SYT1: variants seen among roughly 807,000 people sequenced by gnomAD.
The protein encoded by SYT1 is synaptotagmin 1, also known as synaptotagmin-1.
SYT1 carries 8 observed loss-of-function variants against 44.8 expected under a neutral mutation model. The observed-to-expected ratio is 0.18, with a 90% confidence interval of 0.10 to 0.32. The LOEUF (loss-of-function observed/expected upper bound fraction) is 0.32. Among genes scored for constraint, SYT1 ranks in the 10% least tolerant of loss-of-function variants. SYT1 has a pLI of 1.00. For missense variants in SYT1, 286 were observed against 509.3 expected (o/e 0.56, Z 4.22); for synonymous variants, 154 against 188.8 (o/e 0.82, Z 1.51).
At chr12:79,365,855 G>T (rs1043972051) in intron 9 of SYT1, among the ~76,000 whole-genome samples, 15 of 83,030 alleles carry the variant, frequency 1.8e-4, no homozygotes, top group African/African-American at 1.2e-3. Flanking sequence ...AAAAAAGCAG[G>T]TCATTAGCTT....
chr12:79,123,844 CA>C (rs938228164), intron 3 of SYT1, among the ~76,000 whole-genome samples: 4 of 150,542 alleles, frequency 2.7e-5, no homozygotes, highest in African/African-American at 4.9e-5. Flanking sequence ...AGTAAATCAG[CA>C]AAAAAGAAAA....
At chr12:79,000,738 G>A (rs1291564777) in intron 2 of SYT1, among the ~76,000 whole-genome samples, 3 of 152,004 alleles carry the variant, frequency 2.0e-5, no homozygotes, top group Non-Finnish European at 4.4e-5. Flanking sequence ...CATTATTCTG[G>A]GGCCAAAGGG....
At chr12:78,877,453 A>G (rs543848917) in intron 1 of SYT1, among the ~76,000 whole-genome samples, 1 of 151,702 alleles carries the variant, frequency 6.6e-6, no homozygotes, top group African/African-American at 2.4e-5. Flanking sequence ...CAGCTAAACC[A>G]TATCAATGAG....
At chr12:78,919,489 G>A (rs1465188779) in intron 1 of SYT1, among the ~76,000 whole-genome samples, 1 of 152,072 alleles carries the variant, frequency 6.6e-6, no homozygotes, top group Non-Finnish European at 1.5e-5. Context: ...GTCCTGCCAT[G>A]AATAATCGTT....
intron 3 of SYT1, among the ~76,000 whole-genome samples, chr12:79,145,081 T>C (rs1381881615): frequency 6.6e-6 from 1 of 152,222 alleles, no homozygotes; most frequent in Non-Finnish European, 1.5e-5. Flanking sequence ...AATATTGGAA[T>C]ATTAATGAGG....
At chr12:79,262,230 G>T (rs184850768) in intron 4 of SYT1, among the ~76,000 whole-genome samples, 41 of 151,898 alleles carry the variant, frequency 2.7e-4, no homozygotes, top group African/African-American at 9.9e-4. Context: ...AACCTATTTT[G>T]TTTTATAGCA....
chr12:79,229,107 C>T (rs182487670), intron 4 of SYT1, among the ~76,000 whole-genome samples: 2 of 152,210 alleles, frequency 1.3e-5, no homozygotes, highest in Non-Finnish European at 2.9e-5. Flanking sequence ...AAGTGTCTGA[C>T]ACCAAAGGCA....
intron 1 of SYT1, among the ~76,000 whole-genome samples, chr12:78,939,503 C>T (rs1282638331): frequency 6.6e-6 from 1 of 152,166 alleles, no homozygotes; most frequent in Admixed American, 6.6e-5. Flanking sequence ...TCAGAGCTCT[C>T]AGCAGTTTCA....
At chr12:79,044,361 C>G (rs2137747130) in intron 2 of SYT1, among the ~76,000 whole-genome samples, 1 of 152,184 alleles carries the variant, frequency 6.6e-6, no homozygotes, top group East Asian at 1.9e-4. Flanking sequence ...TCCCTTCTCG[C>G]TTCATTTCAT....
intron 4 of SYT1, among the ~76,000 whole-genome samples, chr12:79,269,986 A>G (rs1878336326): frequency 6.6e-6 from 1 of 152,208 alleles, no homozygotes; most frequent in Non-Finnish European, 1.5e-5. Flanking sequence ...TTCTGTCTCC[A>G]GAGGTGGCTA....
Position 78,905,067 on chromosome 12 carries a change from T to C in SYT1, c.-217+39958T>C, listed in dbSNP as rs148272344. Among the ~76,000 whole-genome samples, 335 of 152,312 alleles carry C rather than the reference T, an allele frequency of 2.2e-3. 2 individuals carry two copies. Among genetic ancestry groups the C allele is most frequent in the African/African-American group, 7.9e-3 (327 of 41,600 alleles). On this transcript the variant is annotated intron_variant, in intron 1 of 10. Coordinates refer to ENST00000261205, the MANE Select transcript of SYT1 (RefSeq NM_005639.3). ...CTTTTTTGTTGTTATTGTTCTTACC[T>C]GAATACATCCAATAGTAGGCACTGA...
At chr12:79,214,069 T>A (rs1460729905) in intron 3 of SYT1, among the ~76,000 whole-genome samples, 1 of 152,334 alleles carries the variant, frequency 6.6e-6, no homozygotes, top group South Asian at 2.1e-4. Context: ...ATTCTTAGGT[T>A]TGCTATTTAC....
chr12:79,003,385 A>G (rs150459047), intron 2 of SYT1, among the ~76,000 whole-genome samples: 56 of 152,132 alleles, frequency 3.7e-4, no homozygotes, highest in African/African-American at 1.3e-3. Context: ...ACCTTCATGT[A>G]TCCTTTCCAA....
intron 2 of SYT1, among the ~76,000 whole-genome samples, chr12:78,990,814 C>CA (rs1869963893): frequency 6.6e-6 from 1 of 152,134 alleles, no homozygotes; most frequent in Non-Finnish European, 1.5e-5. Flanking sequence ...AGCAACCATC[C>CA]AACTTCTGTA....
chr12:79,207,958 C>T lies in SYT1; in HGVS notation c.-17-9545C>T, dbSNP rs148646918. On this transcript the variant is annotated intron_variant, in intron 3 of 10. Transcript: ENST00000261205. ...AGTTGGTAAGTCAGTTTTCCAACCT[C>T]TGGAAGTAGGATTACCTAGCTACTT... is the stretch of plus-strand genomic sequence containing the variant. Among the ~76,000 whole-genome samples, 684 of 152,242 alleles carry T rather than the reference C, an allele frequency of 4.5e-3. 6 individuals are homozygous for T. The highest frequency in any genetic ancestry group is 0.016 in the African/African-American group (645 of 41,534).
At chr12:79,037,701 T>C (rs1873226411) in intron 2 of SYT1, among the ~76,000 whole-genome samples, 2 of 151,808 alleles carry the variant, frequency 1.3e-5, no homozygotes, top group South Asian at 4.1e-4. Flanking sequence ...AAGTCCATAT[T>C]CTGAACCATT....
At chr12:78,909,546 A>G (rs1876196516) in intron 1 of SYT1, among the ~76,000 whole-genome samples, 1 of 151,922 alleles carries the variant, frequency 6.6e-6, no homozygotes, top group Non-Finnish European at 1.5e-5. Flanking sequence ...TATAGAAACC[A>G]TTCTAACCAG....
intron 9 of SYT1, chr12:79,393,745 G>T (rs543948537): frequency 2.6e-5 from 4 of 152,120 alleles, no homozygotes; most frequent in Non-Finnish European, 5.9e-5. Flanking sequence ...TCTCCCATTC[G>T]GTAGGTTGCC....
chr12:79,160,976 G>T (rs1192595626), intron 3 of SYT1, among the ~76,000 whole-genome samples: 2 of 152,078 alleles, frequency 1.3e-5, no homozygotes, highest in Non-Finnish European at 2.9e-5. Flanking sequence ...CTCACACCTG[G>T]AGTCTCAACA....
Sources: allele counts gnomAD v4.1 joint callset (sites outside exome capture counted in the v4.1 genomes callset), GRCh38; gene constraint gnomAD v4.1.1; transcripts MANE v1.5; gene names NCBI Gene and HGNC (gene_info 2026-07-23, HGNC 2026-07-21).